ZNF211: variants seen among roughly 807,000 people sequenced by gnomAD.
ZNF211 encodes zinc finger protein 211.
ZNF211 carries 18 observed loss-of-function variants against 12.1 expected under a neutral mutation model. That is an observed-to-expected ratio of 1.48 (90% CI 1.03 to 2.20). ZNF211 has a LOEUF of 2.20. Among genes scored for constraint, ZNF211 ranks in the 30% most tolerant of loss-of-function variants. The pLI is 0.00. For missense variants in ZNF211, 677 were observed against 703.1 expected (o/e 0.96, Z 0.42); for synonymous variants, 249 against 246.0 (o/e 1.01, Z -0.11).
intron 1 of ZNF211, 109 bp downstream of exon 1, chr19:57,633,545 G>A (rs1181413836): frequency 1.3e-6 from 2 of 1,495,342 alleles, no homozygotes; most frequent in African/African-American, 1.4e-5. Context: ...GAGGCTCGTG[G>A]GTGGGGCCCC....
chr19:57,640,613 G>A, intron 3 of ZNF211, 91 bp from the exon 4 acceptor site: 3 of 1,507,586 alleles, frequency 2.0e-6, no homozygotes, highest in African/African-American at 1.4e-5. Flanking sequence ...CCATATACTG[G>A]TTCTTTGCTG....
rs1264736851 is a variant in ZNF211, at chr19:57,641,745, C to T, written c.1298C>T (p.Thr433Ile). The T allele has an allele frequency of 6.2e-7, 1 of 1,614,134 alleles. No homozygotes were observed. The highest frequency in any genetic ancestry group is 8.5e-7 in the Non-Finnish European group (1 of 1,180,022). ...SSLIHHRRLH[T>I]GERPYECSKC... ...CTCATTCACCACCGGAGACTTCACA[C>T]TGGAGAAAGACCCTATGAGTGCAGT... The change falls in exon 4 of 4, where the codon ACT (threonine) becomes ATT (isoleucine). Residue 433 changes from threonine to isoleucine, a missense_variant. Transcript: ENST00000240731.
rs545989710 is a variant in ZNF211 at position 57,633,972 on chromosome 19, C to G, written c.91-51C>G. 24 of 1,599,986 alleles carry G rather than the reference C, an allele frequency of 1.5e-5. No homozygotes were observed. The East Asian group carries it at 5.1e-4, about 34-fold the overall frequency. On this transcript the variant is annotated intron_variant, in intron 1 of 3. Coordinates refer to ENST00000240731, the MANE Select transcript of ZNF211 (RefSeq NM_006385.5). ...CAAGGGTACAGGGAAGGCCTGTGCC[C>G]ATGGAGCACTGCCATGATCACATTC...
chr19:57,643,116 TTACA>T lies in ZNF211; in HGVS notation c.*939_*942del, dbSNP rs541677573. 9.2e-5 allele frequency among the ~76,000 whole-genome samples: 14 copies of T among 152,106 alleles called. No individual in the cohort carries two copies. The highest frequency in any genetic ancestry group is 1.6e-4 in the Non-Finnish European group (11 of 68,034). ...ATTTTGTTGTTATTCACAAGGGTTA[TTACA>T]TACTGCCCAGCACTGTTGAGGCAGT... is the stretch of plus-strand genomic sequence containing the variant. On this transcript the variant is annotated 3_prime_UTR_variant, in exon 4 of 4. Coordinates refer to ENST00000240731, the MANE Select transcript of ZNF211 (RefSeq NM_006385.5).
chr19:57,638,444 C>T (rs556595357), intron 3 of ZNF211, among the ~76,000 whole-genome samples: 1 of 152,198 alleles, frequency 6.6e-6, no homozygotes, highest in African/African-American at 2.4e-5. Flanking sequence ...TTTAGTACTG[C>T]TTTTACTGCA....
rs1195683532 is a variant in ZNF211, at chr19:57,641,320, C to T, written c.873C>T (p.Val291=). Residue 291 remains valine, a synonymous_variant, in exon 4 of 4, where the codon GTC becomes GTT. Transcript: ENST00000240731. ...RRCNLIQHQK[V]HSEERPYECN... The stretch of plus-strand genomic sequence containing the variant: ...GTAACCTCATTCAGCACCAGAAAGT[C>T]CACAGTGAAGAAAGGCCTTATGAAT... The T allele has an allele frequency of 3.1e-6, 5 of 1,614,150 alleles. No individual in the cohort carries two copies. The highest frequency in any genetic ancestry group is 4.2e-6 in the Non-Finnish European group (5 of 1,180,032).
rs1983212190 is a variant in ZNF211, at chr19:57,643,666, CA to C, written c.*1490del. 1.3e-5 allele frequency among the ~76,000 whole-genome samples: 2 copies of C among 152,258 alleles called. No homozygotes were observed. The highest frequency in any genetic ancestry group is 4.8e-5 in the African/African-American group (2 of 41,542). On this transcript the variant is annotated 3_prime_UTR_variant, in exon 4 of 4. Coordinates refer to ENST00000240731, the MANE Select transcript of ZNF211 (RefSeq NM_006385.5). Reference sequence around the variant, plus strand: ...TTAATGTAGGGTTACCAAACCTAGTCAAAAACACATTATACCATCATTATAA... The same window carrying C: ...TTAATGTAGGGTTACCAAACCTAGTCAAAACACATTATACCATCATTATAA...
rs763530472 is a variant in ZNF211 at position 57,640,976 on chromosome 19, A to T, written c.529A>T (p.Arg177Ter). 6.2e-7 allele frequency: 1 copy of T among 1,614,222 alleles called. No individual in the cohort carries two copies. The highest frequency in any genetic ancestry group is 8.5e-7 in the Non-Finnish European group (1 of 1,180,046). Residue 177 changes from arginine (R) to a stop codon, truncating the protein, a stop_gained, in exon 4 of 4, where the codon AGA becomes TGA. Coordinates refer to ENST00000240731, the MANE Select transcript of ZNF211 (RefSeq NM_006385.5). LOFTEE classifies it low-confidence loss of function (END_TRUNC). ...QRQHITEAPFRSYVDTASFTQ... is the reference protein window; with the variant it reads ...QRQHITEAPF ...GCAGCACATTACAGAGGCACCTTTC[A>T]GAAGTTATGTGGACACTGCCTCGTT...
intron 1 of ZNF211, 49 bp from the exon 2 acceptor site, chr19:57,633,974 T>C: frequency 6.2e-7 from 1 of 1,600,156 alleles, no homozygotes; most frequent in Non-Finnish European, 8.5e-7. Context: ...CCTGTGCCCA[T>C]GGAGCACTGC....
rs1170762870 is a variant in ZNF211, at chr19:57,640,004, G to A, written c.257-700G>A. The A allele has an allele frequency of 9.8e-6, 15 of 1,535,990 alleles. No individual in the cohort carries two copies. The South Asian group carries it at 1.5e-4, about 16-fold the overall frequency. The stretch of plus-strand genomic sequence containing the variant: ...CAGGATGTTCATGACTCCAGCCTCA[G>A]CAAGATGGGATCAGAGAGGGCCTGG... On this transcript the variant is annotated intron_variant, in intron 3 of 3. Coordinates refer to ENST00000240731, the MANE Select transcript of ZNF211 (RefSeq NM_006385.5).
rs1982963765 is a variant in ZNF211 at position 57,641,643 on chromosome 19, A to G, written c.1196A>G (p.Tyr399Cys). 2.5e-6 allele frequency: 4 copies of G among 1,613,204 alleles called. No individual in the cohort carries two copies. Among genetic ancestry groups the G allele is most frequent in the East Asian group, 2.2e-5 (1 of 44,834 alleles). The change falls in exon 4 of 4, where the codon TAC (tyrosine) becomes TGC (cysteine). Residue 399 changes from tyrosine to cysteine, a missense_variant. By Grantham distance (194) the Tyr-to-Cys change is radical. Transcript: ENST00000240731. The stretch of plus-strand genomic sequence containing the variant: ...TTTAGCCAAAACTTTAGCCTGATCT[A>G]CCACCAGAGAGTTCACACTGGAGAA... The part of the protein sequence containing the change: ...KSFSQNFSLI[Y>C]HQRVHTGERP...
At chr19:57,638,881 T>C (rs1322945757) in intron 3 of ZNF211, among the ~76,000 whole-genome samples, 1 of 152,228 alleles carries the variant, frequency 6.6e-6, no homozygotes, top group Non-Finnish European at 1.5e-5. Context: ...TTTGATGGTC[T>C]ATTATTAGGT....
At position 57,640,782 on chromosome 19, in the gene ZNF211, C is replaced by T. The variant is rs767171716; in HGVS notation, c.335C>T (p.Thr112Ile). 3.1e-6 allele frequency: 5 copies of T among 1,614,212 alleles called. No homozygotes were observed. Among genetic ancestry groups the T allele is most frequent in the Non-Finnish European group, 4.2e-6 (5 of 1,180,038 alleles). The change falls in exon 4 of 4, where the codon ACT (threonine) becomes ATT (isoleucine). Residue 112 changes from threonine (T) to isoleucine (I), a missense_variant. Thr to Ile is a moderately conservative substitution (Grantham distance 89). Coordinates refer to ENST00000240731, the MANE Select transcript of ZNF211 (RefSeq NM_006385.5). ...GGAGAAAGAGTGCCACAGTTCAGGA[C>T]TTCCAAAGAAGGTTCATCTTCCCAG... is the stretch of plus-strand genomic sequence containing the variant. ...ISGERVPQFR[T>I]SKEGSSSQNA... is the part of the protein sequence containing the mutation.
In ZNF211 at chr19:57,634,063, T is replaced by C; in HGVS notation, c.129+2T>C. The C allele has an allele frequency of 6.4e-7, 1 of 1,569,528 alleles. No homozygotes were observed. Among genetic ancestry groups the C allele is most frequent in the South Asian group, 1.2e-5 (1 of 83,066 alleles). On this transcript the variant is annotated splice_donor_variant, in intron 2 of 3. Coordinates refer to ENST00000240731, the MANE Select transcript of ZNF211 (RefSeq NM_006385.5). LOFTEE classifies it high-confidence loss of function. ...GAGGTGCTTTTCAAACTTACACAGG[T>C]AAGTGGAGGTATCTCAGCCCCTCAC...
rs1422149297 is a variant in ZNF211, at chr19:57,641,609, G to A, written c.1162G>A (p.Gly388Arg). 3.1e-6 allele frequency: 5 copies of A among 1,613,162 alleles called. No homozygotes were observed. In the Admixed American group the frequency reaches 6.7e-5, roughly 22 times the overall value. Reference sequence around the variant, plus strand: ...AAGGCCTTATGAATGCAGCGAATGTGGGAAATCTTTTAGCCAAAACTTTAG... The same window carrying A: ...AAGGCCTTATGAATGCAGCGAATGTAGGAAATCTTTTAGCCAAAACTTTAG... ...GERPYECSEC[G>R]KSFSQNFSLI... The change falls in exon 4 of 4, where the codon GGG (glycine) becomes AGG (arginine). Residue 388 changes from glycine (G) to arginine (R), a missense_variant. Transcript: ENST00000240731.
In ZNF211 at chr19:57,640,745, C is replaced by T; in HGVS notation, c.298C>T (p.Gln100Ter). 1 of 1,614,200 alleles carries T rather than the reference C, an allele frequency of 6.2e-7. No individual in the cohort carries two copies. Among genetic ancestry groups the T allele is most frequent in the Non-Finnish European group, 8.5e-7 (1 of 1,180,024 alleles). ...GVEHEETPSE[Q>*]RISGERVPQF... is the part of the protein sequence containing the mutation. ...GGAACATGAGGAAACACCTTCTGAA[C>T]AGAGAATTTCTGGAGAAAGAGTGCC... The change falls in exon 4 of 4, where the codon CAG (glutamine) becomes TAG (stop). Residue 100 changes from glutamine to a stop codon, truncating the protein, a stop_gained. Coordinates refer to ENST00000240731, the MANE Select transcript of ZNF211 (RefSeq NM_006385.5). LOFTEE classifies it low-confidence loss of function (END_TRUNC).
At position 57,642,075 on chromosome 19, in the gene ZNF211, T is replaced by C. The variant is rs747668015; in HGVS notation, c.1628T>C (p.Val543Ala). 7 of 1,614,074 alleles carry C rather than the reference T, an allele frequency of 4.3e-6. No individual in the cohort carries two copies. The South Asian group carries it at 6.6e-5, about 15-fold the overall frequency. The change falls in exon 4 of 4, where the codon GTT becomes GCT. Residue 543 changes from valine to alanine, a missense_variant. By Grantham distance (64) the Val-to-Ala change is moderately conservative (BLOSUM62 0). Coordinates refer to ENST00000240731, the MANE Select transcript of ZNF211 (RefSeq NM_006385.5). ...QSSSLIQHRR[V>A]HTGKRPYQCS... ...TCTAGCCTCATTCAACACCGCAGAG[T>C]TCACACGGGAAAAAGGCCTTATCAG...
Position 57,641,343 on chromosome 19 carries a change from A to T in ZNF211, c.896A>T (p.Glu299Val). The T allele has an allele frequency of 1.9e-6, 3 of 1,614,196 alleles. No individual in the cohort carries two copies. The highest frequency in any genetic ancestry group is 2.5e-6 in the Non-Finnish European group (3 of 1,180,030). ...QKVHSEERPY[E>V]CNECGKFFTY... Reference sequence around the variant, plus strand: ...GTCCACAGTGAAGAAAGGCCTTATGAATGCAATGAATGTGGAAAATTCTTT... The same window carrying T: ...GTCCACAGTGAAGAAAGGCCTTATGTATGCAATGAATGTGGAAAATTCTTT... The change falls in exon 4 of 4, where the codon GAA (glutamate) becomes GTA (valine). Residue 299 changes from glutamate (E) to valine (V), a missense_variant. Coordinates refer to ENST00000240731, the MANE Select transcript of ZNF211 (RefSeq NM_006385.5).
intron 3 of ZNF211, among the ~76,000 whole-genome samples, chr19:57,636,226 G>A (rs12104226): frequency 0.12 from 18,526 of 152,106 alleles, 1,207 homozygotes; most frequent in East Asian, 0.25. Context: ...ATCCTTTGAT[G>A]TACAAGTTTC....
Sources: gnomAD v4.1 joint callset for allele counts (sites outside exome capture counted in the v4.1 genomes callset) on GRCh38, gnomAD v4.1.1 for gene constraint, MANE v1.5 for transcripts, NCBI Gene and HGNC (gene_info 2026-07-23, HGNC 2026-07-21) for gene names.